Variants in DMD observed in about 807,000 individuals in gnomAD.
DMD encodes mutant dystrophin.
Under a neutral mutation model 330.1 loss-of-function variants are expected in DMD, and 63 were observed. The ratio of observed to expected loss-of-function variants is 0.19; its 90% CI spans 0.16 to 0.24. The LOEUF (loss-of-function observed/expected upper bound fraction) is 0.24. DMD is among the 10% of genes least tolerant of loss of function. DMD has a pLI of 1.00. For missense variants in DMD, 3,344 were observed against 2,684.1 expected (o/e 1.25, Z -5.43); for synonymous variants, 1,223 against 959.8 (o/e 1.27, Z -5.07).
intron 16 of DMD, among the ~76,000 whole-genome samples, chrX:32,564,731 A>C (rs1374584643): frequency 8.9e-6 from 1 of 111,959 alleles, no homozygotes; most frequent in African/African-American, 3.2e-5. Flanking sequence ...ACGCTGTCTT[A>C]AATTGTATTC....
At chrX:32,717,009 G>A (rs1288258271) in intron 7 of DMD, among the ~76,000 whole-genome samples, 1 of 110,635 alleles carries the variant, frequency 9.0e-6, no homozygotes, top group Admixed American at 9.7e-5. Context: ...ATCTGAAACT[G>A]GAACTTATAT....
chrX:32,976,479 A>G (rs1423943503), intron 2 of DMD, among the ~76,000 whole-genome samples: 2 of 111,903 alleles, frequency 1.8e-5, no homozygotes, highest in Non-Finnish European at 3.8e-5. Context: ...GCTCAATTTT[A>G]CATATAAATA....
chrX:33,121,945 G>T (rs766254573), intron 1 of DMD, among the ~76,000 whole-genome samples: 7 of 112,269 alleles, frequency 6.2e-5, no homozygotes, highest in Non-Finnish European at 9.4e-5. Flanking sequence ...GCTTAAATCA[G>T]CCGGCCATGG....
chrX:32,211,184 T>C (rs911753460), intron 44 of DMD, among the ~76,000 whole-genome samples: 2 of 112,004 alleles, frequency 1.8e-5, no homozygotes, highest in Non-Finnish European at 3.8e-5. Flanking sequence ...AGGGTCACCA[T>C]GCTATAACTA....
chrX:31,871,707 T>G (rs758621859), intron 48 of DMD, among the ~76,000 whole-genome samples: 1 of 109,488 alleles, frequency 9.1e-6, no homozygotes, highest in East Asian at 2.9e-4. Context: ...TAAAGGTGTT[T>G]TTTTTTTTTT....
chrX:32,739,001 A>G (rs747027631), intron 7 of DMD, among the ~76,000 whole-genome samples: 7 of 112,019 alleles, frequency 6.2e-5, no homozygotes, highest in African/African-American at 1.3e-4. Context: ...GGCATAGAGA[A>G]TAACTTCAGG....
chrX:32,040,246 G>A (rs919255003), intron 44 of DMD, among the ~76,000 whole-genome samples: 6 of 111,506 alleles, frequency 5.4e-5, no homozygotes, highest in African/African-American at 2.0e-4. Flanking sequence ...TGGTGTGTGT[G>A]TGTAAGCGTG....
chrX:33,040,810 A>C (rs769184703), intron 1 of DMD, among the ~76,000 whole-genome samples: 1 of 112,543 alleles, frequency 8.9e-6, no homozygotes, highest in Admixed American at 9.4e-5. Context: ...CTTGCAAAAA[A>C]TAAATAAAAC....
intron 7 of DMD, among the ~76,000 whole-genome samples, chrX:32,736,152 G>A (rs1378668015): frequency 1.8e-5 from 2 of 112,165 alleles, no homozygotes; most frequent in African/African-American, 6.5e-5. Flanking sequence ...GCAGCCAAAA[G>A]ACACATGAAA....
At chrX:31,321,448 G>T (rs888244249) in intron 62 of DMD, among the ~76,000 whole-genome samples, 38 of 108,032 alleles carry the variant, frequency 3.5e-4, no homozygotes, top group African/African-American at 1.2e-3. Flanking sequence ...AGCCAAGCAT[G>T]GTGGCAGGTG....
intron 1 of DMD, among the ~76,000 whole-genome samples, chrX:33,141,428 A>G (rs1342915379): frequency 9.0e-6 from 1 of 111,533 alleles, no homozygotes; most frequent in Non-Finnish European, 1.9e-5. Context: ...GAGCAGTTAC[A>G]TATTTTTTGC....
intron 52 of DMD, among the ~76,000 whole-genome samples, chrX:31,716,523 C>T (rs1355076954): frequency 1.1e-4 from 12 of 110,493 alleles, no homozygotes; most frequent in African/African-American, 3.6e-4. Flanking sequence ...TGCACTCCAG[C>T]CTGGGCAACA....
At chrX:33,136,180 C>T (rs1301558705) in intron 1 of DMD, among the ~76,000 whole-genome samples, 1 of 95,192 alleles carries the variant, frequency 1.1e-5, no homozygotes, top group Admixed American at 1.3e-4. Flanking sequence ...ATCAGCCAGG[C>T]GTGGTGGCAC....
chrX:32,241,128 G>A (rs775496321), intron 43 of DMD, among the ~76,000 whole-genome samples: 1 of 111,673 alleles, frequency 9.0e-6, no homozygotes, highest in Admixed American at 9.5e-5. Context: ...GAACAATTTG[G>A]GAGAGAGAGA....
chrX:32,916,888 T>C (rs945728771), intron 2 of DMD, among the ~76,000 whole-genome samples: 4 of 111,568 alleles, frequency 3.6e-5, no homozygotes, highest in African/African-American at 1.3e-4. Flanking sequence ...ATTATAATGA[T>C]CCCATCACAA....
At chrX:33,269,157 A>G (rs765770043) in intron 1 of DMD, among the ~76,000 whole-genome samples, 4 of 111,244 alleles carry the variant, frequency 3.6e-5, no homozygotes, top group African/African-American at 1.3e-4. Context: ...TTGTCACACA[A>G]TTCACAATAG....
intron 37 of DMD, among the ~76,000 whole-genome samples, 196 bp from the exon 38 acceptor site, chrX:32,348,724 T>TCAC (rs898448730): frequency 7.2e-5 from 8 of 111,680 alleles, no homozygotes; most frequent in African/African-American, 2.6e-4. Context: ...ACATTTCACA[T>TCAC]CACCAGAGCT....
rs1331904656 is a variant in DMD, at chrX:32,731,333, G to A, written c.650-32040C>T. Among the ~76,000 whole-genome samples, 4 of 112,573 alleles carry A rather than the reference G, an allele frequency of 3.6e-5. No homozygotes were observed. The East Asian group carries it at 1.1e-3, about 32-fold the overall frequency. ...ACTGCAAGGTGGCAGCAAGGCTGGGGGAGGGGCACCCGCCATTGCCTAGGC... is the reference window on the plus strand; with the variant it reads ...ACTGCAAGGTGGCAGCAAGGCTGGGAGAGGGGCACCCGCCATTGCCTAGGC... On this transcript the variant is annotated intron_variant, in intron 7 of 78. Transcript: ENST00000357033.
intron 62 of DMD, among the ~76,000 whole-genome samples, chrX:31,276,728 G>A (rs1428769606): frequency 1.8e-5 from 2 of 112,011 alleles, no homozygotes; most frequent in African/African-American, 6.5e-5. Flanking sequence ...GACACAATGG[G>A]ATATTACATA....
Sources: gnomAD v4.1 joint callset for allele counts (sites outside exome capture counted in the v4.1 genomes callset) on GRCh38, gnomAD v4.1.1 for gene constraint, MANE v1.5 for transcripts, NCBI Gene and HGNC (gene_info 2026-07-23, HGNC 2026-07-21) for gene names.